MAD1L1: variants seen among roughly 807,000 people sequenced by gnomAD.
The protein encoded by MAD1L1 is mitotic spindle assembly checkpoint protein MAD1.
MAD1L1 carries 95 observed loss-of-function variants against 96.9 expected under a neutral mutation model. The observed-to-expected ratio is 0.98, with a 90% CI of 0.83 to 1.16. The LOEUF (loss-of-function observed/expected upper bound fraction) is 1.16, where lower values mean the gene tolerates loss of function less well. Among genes scored for constraint, MAD1L1 ranks in the 50% most tolerant of loss-of-function variants. The pLI is 0.00. For missense variants in MAD1L1, 1,007 were observed against 954.4 expected (o/e 1.06, Z -0.73); for synonymous variants, 473 against 396.6 (o/e 1.19, Z -2.29).
chr7:2,097,698 G>A (rs1287654459), intron 11 of MAD1L1, among the ~76,000 whole-genome samples: 4 of 152,220 alleles, frequency 2.6e-5, no homozygotes, highest in Admixed American at 2.0e-4. Flanking sequence ...CCCTGGCACA[G>A]GGGATGAGGC....
At chr7:2,135,303 C>T (rs1174263574) in intron 11 of MAD1L1, among the ~76,000 whole-genome samples, 1 of 152,198 alleles carries the variant, frequency 6.6e-6, no homozygotes, top group Non-Finnish European at 1.5e-5. Flanking sequence ...TGGACGCAGA[C>T]ACGAGATGCT....
At chr7:2,183,073 T>A (rs1250843953) in intron 10 of MAD1L1, among the ~76,000 whole-genome samples, 1 of 151,704 alleles carries the variant, frequency 6.6e-6, no homozygotes, top group South Asian at 2.1e-4. Flanking sequence ...AGAGAAAAAA[T>A]TAGCCAGGTG....
At chr7:1,904,249 G>A (rs1176228120) in intron 17 of MAD1L1, among the ~76,000 whole-genome samples, 2 of 147,650 alleles carry the variant, frequency 1.4e-5, no homozygotes, top group African/African-American at 2.6e-5. Context: ...CGGAACTCAT[G>A]ATTGATGAAG....
At chr7:1,842,451 T>C (rs1783322093) in intron 18 of MAD1L1, among the ~76,000 whole-genome samples, 1 of 152,248 alleles carries the variant, frequency 6.6e-6, no homozygotes, top group Admixed American at 6.5e-5. Flanking sequence ...GGGCAACTCT[T>C]GGCAGCTGGA....
At chr7:2,127,130 C>T (rs1788270260) in intron 11 of MAD1L1, among the ~76,000 whole-genome samples, 1 of 152,216 alleles carries the variant, frequency 6.6e-6, no homozygotes, top group Non-Finnish European at 1.5e-5. Flanking sequence ...CAGTCTTCCA[C>T]AGTGCTGGCC....
Position 2,119,589 on chromosome 7 carries a change from G to A in MAD1L1, c.1073+29563C>T, listed in dbSNP as rs1283709100. On this transcript the variant is annotated intron_variant, in intron 11 of 18. Coordinates refer to ENST00000265854, the MANE Select transcript of MAD1L1 (RefSeq NM_001013836.2). The surrounding 1 kb of genome is among the most constrained non-coding windows in gnomAD (Gnocchi z 4.6). ...AGCTCTGACCCACATGCAGACATCA[G>A]AGGCCTCCAAGCCCTTGACTTAGTG... is the stretch of plus-strand genomic sequence containing the variant. Among the ~76,000 whole-genome samples the A allele has an allele frequency of 1.3e-5, 2 of 152,182 alleles. No individual in the cohort carries two copies. The highest frequency in any genetic ancestry group is 4.8e-5 in the African/African-American group (2 of 41,430).
chr7:2,079,282 C>T (rs532014955), intron 11 of MAD1L1, among the ~76,000 whole-genome samples: 52 of 152,176 alleles, frequency 3.4e-4, no homozygotes, highest in Non-Finnish European at 6.2e-4. Flanking sequence ...TCAGGCTCAG[C>T]GTGGCACGCA....
At position 1,936,889 on chromosome 7, in the gene MAD1L1, A is replaced by G; in HGVS notation, c.1605T>C (p.Tyr535=). The change falls in exon 17 of 19, where the codon TAT becomes TAC. Residue 535 remains tyrosine, a synonymous_variant. Transcript: ENST00000265854. ...QLERRALQGD[Y]DQSRTKVLHM... ...GCAGCACTTTGGTCCTGCTCTGGTCATAGTCACCCTGCAGGAACACACACA... is the reference window on the plus strand; with the variant it reads ...GCAGCACTTTGGTCCTGCTCTGGTCGTAGTCACCCTGCAGGAACACACACA... 1 of 1,594,778 alleles carries G rather than the reference A, an allele frequency of 6.3e-7. No homozygotes were observed. Among genetic ancestry groups the G allele is most frequent in the South Asian group, 1.1e-5 (1 of 88,472 alleles).
intron 13 of MAD1L1, among the ~76,000 whole-genome samples, chr7:2,003,748 G>A (rs1454582723): frequency 1.3e-5 from 2 of 152,142 alleles, no homozygotes; most frequent in East Asian, 1.9e-4. Flanking sequence ...CACTGCCCTG[G>A]GGGAGGCCCT....
intron 12 of MAD1L1, among the ~76,000 whole-genome samples, chr7:2,041,113 T>G (rs1783654002): frequency 6.6e-6 from 1 of 152,060 alleles, no homozygotes; most frequent in South Asian, 2.1e-4. Context: ...CCCCCAGAGT[T>G]CCTGTCGGAA....
At chr7:2,008,821 G>A (rs757407789) in intron 13 of MAD1L1, among the ~76,000 whole-genome samples, 16 of 114,058 alleles carry the variant, frequency 1.4e-4, no homozygotes, top group Admixed American at 4.3e-4. Flanking sequence ...ACGCAGACAC[G>A]CAGGAAGCTC....
At chr7:2,059,420 AGGCACGGGGTTGG>A (rs1784535328) in intron 12 of MAD1L1, among the ~76,000 whole-genome samples, 1 of 140,274 alleles carries the variant, frequency 7.1e-6, no homozygotes. Flanking sequence ...GCCAGAGGAG[AGGCACGGGGTTGG>A]AGAGGCAGCG....
chr7:1,980,354 G>A, intron 15 of MAD1L1, 99 bp downstream of exon 15: 1 of 981,918 alleles, frequency 1.0e-6, no homozygotes, highest in East Asian at 2.6e-5. Flanking sequence ...ACACACCTGG[G>A]CGTATCTGCC....
chr7:1,843,470 C>G (rs1057357991), intron 18 of MAD1L1, among the ~76,000 whole-genome samples: 1 of 152,184 alleles, frequency 6.6e-6, no homozygotes, highest in Non-Finnish European at 1.5e-5. Flanking sequence ...GCTTGATGGG[C>G]GTCCACAAGT....
intron 11 of MAD1L1, chr7:2,080,019 C>A: frequency 3.3e-6 from 1 of 306,428 alleles, no homozygotes; most frequent in Admixed American, 4.8e-5. Flanking sequence ...CGTCCGTCAA[C>A]CCTGTCAGCG....
chr7:2,092,131 A>T (rs563922073), intron 11 of MAD1L1, among the ~76,000 whole-genome samples: 12 of 152,348 alleles, frequency 7.9e-5, no homozygotes, highest in African/African-American at 2.6e-4. Flanking sequence ...CTGTGGCTCC[A>T]CGTCTCCACC....
intron 10 of MAD1L1, among the ~76,000 whole-genome samples, chr7:2,151,232 G>A (rs951341671): frequency 6.6e-6 from 1 of 152,236 alleles, no homozygotes; most frequent in Non-Finnish European, 1.5e-5. Flanking sequence ...CTAACTCAGT[G>A]CAAAGAATTT....
At chr7:2,132,510 G>C (rs2128569117) in intron 11 of MAD1L1, among the ~76,000 whole-genome samples, 1 of 152,328 alleles carries the variant, frequency 6.6e-6, no homozygotes, top group East Asian at 1.9e-4. Context: ...GCCGCGTGAA[G>C]AGTAGGTTCA....
intron 12 of MAD1L1, among the ~76,000 whole-genome samples, chr7:2,046,918 C>A (rs1783948168): frequency 6.6e-6 from 1 of 152,350 alleles, no homozygotes; most frequent in Middle Eastern, 3.4e-3. Flanking sequence ...CTCTGCACCA[C>A]ACGCTGCGCA....
Sources: allele counts gnomAD v4.1 joint callset (sites outside exome capture counted in the v4.1 genomes callset), GRCh38; gene constraint gnomAD v4.1.1; non-coding constraint Gnocchi (gnomAD v3.1); transcripts MANE v1.5; gene names NCBI Gene and HGNC (gene_info 2026-07-23, HGNC 2026-07-21).